Variants in PARL observed in about 807,000 individuals in gnomAD.
PARL encodes the protein presenilin-associated rhomboid-like protein, mitochondrial.
PARL carries 44 observed loss-of-function variants against 51.6 expected under a neutral mutation model. That is an observed-to-expected ratio of 0.85 (90% confidence interval 0.67 to 1.10). PARL has a LOEUF of 1.10. PARL is among the 50% of genes least tolerant of loss of function. PARL has a pLI of 0.00. For missense variants in PARL, 441 were observed against 469.5 expected, an observed-to-expected ratio of 0.94 and a Z score of 0.56; for synonymous variants, 172 against 164.0, an observed-to-expected ratio of 1.05 and a Z score of -0.37.
chr3:183,883,718 G>GT (rs1311746367), intron 1 of PARL: 2 of 983,422 alleles, frequency 2.0e-6, no homozygotes, highest in African/African-American at 3.5e-5. Flanking sequence ...TGTATGTAAA[G>GT]TTTTCACAAG....
Position 183,884,865 on chromosome 3 carries a change from A to G in PARL, c.-19T>C. 6.3e-7 allele frequency: 1 copy of G among 1,596,476 alleles called. No individual in the cohort carries two copies. Among genetic ancestry groups the G allele is most frequent in the African/African-American group, 1.3e-5 (1 of 74,916 alleles). On this transcript the variant is annotated 5_prime_UTR_variant, in exon 1 of 10. Coordinates refer to ENST00000317096, the MANE Select transcript of PARL (RefSeq NM_018622.7). Reference sequence around the variant, plus strand: ...ACGCCATCTTCCCAACCTCTGCCCCACCATGGCCCGACCTTACCAACCCCA... The same window carrying G: ...ACGCCATCTTCCCAACCTCTGCCCCGCCATGGCCCGACCTTACCAACCCCA...
At chr3:183,858,084 T>C (rs1301609182) in intron 4 of PARL, among the ~76,000 whole-genome samples, 1 of 152,210 alleles carries the variant, frequency 6.6e-6, no homozygotes, top group Admixed American at 6.5e-5. Flanking sequence ...GCACATAGCA[T>C]GATACTTGAA....
rs77998734 is a variant in PARL at position 183,851,862 on chromosome 3, A to T, written c.512-7536T>A. Among the ~76,000 whole-genome samples, 1,328 of 152,114 alleles carry T rather than the reference A, an allele frequency of 8.7e-3. 20 individuals carry two copies. Among genetic ancestry groups the T allele is most frequent in the African/African-American group, 0.031 (1,273 of 41,496 alleles). ...CATTACGATGGCTATTATCACATTT[A>T]AAAAAAAGGAAAATAGGCCAGGCAT... On this transcript the variant is annotated intron_variant, in intron 4 of 9. Transcript: ENST00000317096.
intron 9 of PARL, among the ~76,000 whole-genome samples, chr3:183,830,222 C>G (rs1727771362): frequency 6.6e-6 from 1 of 152,202 alleles, no homozygotes; most frequent in African/African-American, 2.4e-5. Flanking sequence ...TTTAAGATAC[C>G]TAGTTCCCAT....
rs868569921 is a variant in PARL at position 183,833,753 on chromosome 3, G to A, written c.901C>T (p.Leu301Phe). The change falls in exon 8 of 10, where the codon CTT (leucine) becomes TTT (phenylalanine). Residue 301 changes from leucine to phenylalanine, a missense_variant. Coordinates refer to ENST00000317096, the MANE Select transcript of PARL (RefSeq NM_018622.7). ...IPEGRLAIIF[L>F]PMFTFTAGNA... is the part of the protein sequence containing the mutation. The stretch of plus-strand genomic sequence containing the variant: ...CCTGCTGTGAACGTGAACATCGGAA[G>A]GAAAATAATGGCAAGCCTCCCTTCT... The A allele has an allele frequency of 6.2e-7, 1 of 1,612,418 alleles. No homozygotes were observed. The highest frequency in any genetic ancestry group is 8.5e-7 in the Non-Finnish European group (1 of 1,178,430).
chr3:183,866,612 T>C lies in PARL; in HGVS notation c.462+13A>G, dbSNP rs765720453. The C allele has an allele frequency of 1.9e-6, 3 of 1,607,830 alleles. No homozygotes were observed. In the East Asian group the frequency reaches 6.7e-5, roughly 36 times the overall value. ...TGATTAACTAGAAGAAAGAAAGCAG[T>C]GTTTATCTTTACCTCCTTTCTGAAG... is the stretch of plus-strand genomic sequence containing the variant. On this transcript the variant is annotated intron_variant, in intron 3 of 9. Transcript: ENST00000317096.
intron 1 of PARL, among the ~76,000 whole-genome samples, chr3:183,881,916 T>C (rs1040418758): frequency 3.9e-5 from 6 of 151,944 alleles, no homozygotes; most frequent in Non-Finnish European, 8.8e-5. Context: ...TTAAAGATAT[T>C]TTGAGGCTAG....
At chr3:183,883,876 G>A (rs987933018) in intron 1 of PARL, 6 of 162,214 alleles carry the variant, frequency 3.7e-5, no homozygotes, top group African/African-American at 1.2e-4. Flanking sequence ...TTGAGATTAG[G>A]CAATGGCTCC....
At chr3:183,857,028 T>C (rs1731254515) in intron 4 of PARL, among the ~76,000 whole-genome samples, 1 of 152,202 alleles carries the variant, frequency 6.6e-6, no homozygotes, top group Non-Finnish European at 1.5e-5. Flanking sequence ...AAAAGATTTG[T>C]TAAATAATAC....
intron 4 of PARL, among the ~76,000 whole-genome samples, chr3:183,852,410 A>G (rs1383063674): frequency 6.6e-5 from 10 of 152,214 alleles, no homozygotes; most frequent in Admixed American, 1.3e-4. Context: ...AGAAAAAAAA[A>G]TTATGGTTCC....
chr3:183,857,522 G>T (rs1731308294), intron 4 of PARL, among the ~76,000 whole-genome samples: 1 of 152,120 alleles, frequency 6.6e-6, no homozygotes, highest in African/African-American at 2.4e-5. Flanking sequence ...CTATTTTTGT[G>T]TTAAACCACA....
downstream of PARL, among the ~76,000 whole-genome samples, chr3:183,827,816 A>G (rs556259577): frequency 1.7e-3 from 255 of 152,268 alleles, no homozygotes; most frequent in Non-Finnish European, 3.1e-3. Context: ...AAGAGTACAG[A>G]GAGATTCTGT....
intron 4 of PARL, among the ~76,000 whole-genome samples, chr3:183,848,344 C>T (rs1730192695): frequency 6.6e-6 from 1 of 152,190 alleles, no homozygotes; most frequent in South Asian, 2.1e-4. Flanking sequence ...CGGGTTCACA[C>T]CATTCTCCTG....
intron 4 of PARL, among the ~76,000 whole-genome samples, chr3:183,862,000 C>T (rs1731888879): frequency 6.6e-6 from 1 of 152,114 alleles, no homozygotes; most frequent in Non-Finnish European, 1.5e-5. Flanking sequence ...GCCTCGAACT[C>T]CTGAGCTCAA....
downstream of PARL, among the ~76,000 whole-genome samples, chr3:183,827,918 G>A (rs556450875): frequency 9.9e-5 from 15 of 152,102 alleles, no homozygotes; most frequent in Non-Finnish European, 1.6e-4. Context: ...CGGCAGCCAC[G>A]GCATGTTCCT....
Position 183,866,914 on chromosome 3 carries a change from C to CTTT in PARL, c.322-152_322-150dup, listed in dbSNP as rs59742348. On this transcript the variant is annotated intron_variant, in intron 2 of 9. Transcript: ENST00000317096. ...AGTGAAACCTAATAAGTGAAAAGGG[C>CTTT]TTTTTTTTTTCTTTTTGAGATGGAG... 3,605 of 580,042 alleles carry CTTT rather than the reference C, an allele frequency of 6.2e-3. 19 individuals are homozygous for CTTT. Among genetic ancestry groups the CTTT allele is most frequent in the African/African-American group, 0.032 (1,651 of 52,112 alleles). The allele number at this position is 580,042 out of a possible 1,614,324, so 35.9% of individuals were successfully genotyped here. A position where few individuals can be genotyped will look rare whatever the true frequency, so the allele number is the denominator to read the frequency against.
rs114219951 is a variant in PARL at position 183,829,661 on chromosome 3, C to T, written c.1077G>A (p.Pro359=). The change falls in exon 10 of 10, where the codon CCG becomes CCA. Residue 359 remains proline (P), a synonymous_variant. Coordinates refer to ENST00000317096, the MANE Select transcript of PARL (RefSeq NM_018622.7). ...GHELIWKNRE[P]LVKIWHEIRT... ...TTATTTCATGCCAGATTTTCACTAG[C>T]GGCTCCCTGTTCTTCCAAATCAGTT... is the stretch of plus-strand genomic sequence containing the variant. 2.7e-4 allele frequency: 442 copies of T among 1,614,102 alleles called. 1 individual carries two copies. Among genetic ancestry groups the T allele is most frequent in the Non-Finnish European group, 3.4e-4 (400 of 1,180,004 alleles).
At chr3:183,857,704 G>A (rs1397924192) in intron 4 of PARL, among the ~76,000 whole-genome samples, 1 of 152,128 alleles carries the variant, frequency 6.6e-6, no homozygotes, top group Admixed American at 6.5e-5. Context: ...CTGCTACCAT[G>A]CATATTTATT....
intron 7 of PARL, among the ~76,000 whole-genome samples, chr3:183,835,681 A>G (rs1728489430): frequency 6.6e-6 from 1 of 152,112 alleles, no homozygotes; most frequent in Non-Finnish European, 1.5e-5. Flanking sequence ...AGCCTAGCCA[A>G]CATAGTGAAA....
Sources: gnomAD v4.1 joint callset for allele counts (sites outside exome capture counted in the v4.1 genomes callset) on GRCh38, gnomAD v4.1.1 for gene constraint, MANE v1.5 for transcripts, NCBI Gene and HGNC (gene_info 2026-07-23, HGNC 2026-07-21) for gene names.